Variants in MAGI2 observed in about 807,000 individuals in gnomAD.
MAGI2 encodes the protein membrane associated guanylate kinase, WW and PDZ domain containing 2.
Under a neutral mutation model 133.3 loss-of-function variants are expected in MAGI2, and 35 were observed. The observed-to-expected ratio is 0.26, with a 90% CI of 0.20 to 0.35. The LOEUF is 0.35. Ranked by LOEUF, MAGI2 falls within the 10% of genes least tolerant of loss-of-function variation. MAGI2 has a pLI of 1.00. For synonymous variants in MAGI2, 729 were observed against 710.6 expected (o/e 1.03, Z -0.41); for missense variants, 1,636 against 1,863.4 (o/e 0.88, Z 2.25).
At chr7:79,186,729 GTATATATATATTTATACAAAAGTATA>G (rs1220593218) in intron 1 of MAGI2, among the ~76,000 whole-genome samples, 5,017 of 121,666 alleles carry the variant, frequency 0.041, 120 homozygotes, top group Non-Finnish European at 0.061. Context: ...TTATACAAAA[GTATATATATATTTATACAAAAGTATA>G]TATATATATA....
chr7:79,451,861 G>T (rs1048650662), intron 1 of MAGI2, among the ~76,000 whole-genome samples: 2 of 152,114 alleles, frequency 1.3e-5, no homozygotes, highest in African/African-American at 4.8e-5. Flanking sequence ...CACACGAATT[G>T]TGCAGTGAGC....
chr7:78,940,418 C>T (rs1800873433), intron 2 of MAGI2: 1 of 152,016 alleles, frequency 6.6e-6, no homozygotes, highest in Non-Finnish European at 1.5e-5. Context: ...AGATGTCACA[C>T]TTTAGAGATT....
chr7:78,063,689 A>G (rs767490683), intron 21 of MAGI2, among the ~76,000 whole-genome samples: 6 of 151,634 alleles, frequency 4.0e-5, no homozygotes, highest in Non-Finnish European at 7.4e-5. Context: ...TCTTTTTTCC[A>G]CTCTGGTGAA....
chr7:78,716,868 A>G (rs921472846), intron 2 of MAGI2, among the ~76,000 whole-genome samples: 37 of 152,298 alleles, frequency 2.4e-4, no homozygotes, highest in Admixed American at 3.9e-4. Flanking sequence ...AATCTTATTT[A>G]CAGCTTAAAA....
intron 4 of MAGI2, among the ~76,000 whole-genome samples, chr7:78,510,393 C>T (rs139826970): frequency 0.018 from 2,813 of 152,202 alleles, 43 homozygotes; most frequent in Non-Finnish European, 0.023. Context: ...TAGTAAACTG[C>T]TAGAATATAG....
chr7:78,220,510 A>G (rs1584447652), intron 10 of MAGI2, among the ~76,000 whole-genome samples: 1 of 152,226 alleles, frequency 6.6e-6, no homozygotes, highest in African/African-American at 2.4e-5. Flanking sequence ...GTATGTAAAG[A>G]ATGCTTGCTA....
chr7:78,028,697 A>C (rs966640126), intron 21 of MAGI2, among the ~76,000 whole-genome samples: 4 of 152,042 alleles, frequency 2.6e-5, no homozygotes, highest in African/African-American at 9.7e-5. Context: ...TCTACTAAAA[A>C]TACAAAAATT....
At chr7:78,384,573 T>A (rs1795212909) in intron 6 of MAGI2, among the ~76,000 whole-genome samples, 1 of 152,176 alleles carries the variant, frequency 6.6e-6, no homozygotes, top group South Asian at 2.1e-4. Flanking sequence ...ATTTATCAAT[T>A]GAATGTTTTG....
Position 79,326,626 on chromosome 7 carries a change from A to T in MAGI2, c.301+126394T>A, listed in dbSNP as rs1362371935. Among the ~76,000 whole-genome samples the T allele has an allele frequency of 3.3e-5, 5 of 151,632 alleles. No homozygotes were observed. In the South Asian group the frequency reaches 6.3e-4, roughly 19 times the overall value. On this transcript the variant is annotated intron_variant, in intron 1 of 21. Coordinates refer to ENST00000354212, the MANE Select transcript of MAGI2 (RefSeq NM_012301.4). ...AAACCTCTTAGTAAAAATATTAGTC[A>T]TTCAGAGCAAATTGAGTTCAGTGTC...
chr7:78,231,307 C>CCT (rs1789944653), intron 10 of MAGI2, among the ~76,000 whole-genome samples: 1 of 152,150 alleles, frequency 6.6e-6, no homozygotes, highest in Non-Finnish European at 1.5e-5. Flanking sequence ...TCAGAGTATT[C>CCT]CTCCATGGAG....
intron 2 of MAGI2, among the ~76,000 whole-genome samples, chr7:78,879,345 A>G (rs1241802861): frequency 6.6e-6 from 1 of 152,166 alleles, no homozygotes; most frequent in Non-Finnish European, 1.5e-5. Context: ...ATCAACAAGA[A>G]TAAATTATAT....
At chr7:78,387,997 A>C (rs1795555542) in intron 6 of MAGI2, among the ~76,000 whole-genome samples, 1 of 151,980 alleles carries the variant, frequency 6.6e-6, no homozygotes, top group Non-Finnish European at 1.5e-5. Flanking sequence ...CTATTCTTAC[A>C]CCTGAGTTGT....
chr7:78,872,297 T>C (rs1457853708), intron 2 of MAGI2, among the ~76,000 whole-genome samples: 1 of 150,342 alleles, frequency 6.7e-6, no homozygotes, highest in Non-Finnish European at 1.5e-5. Context: ...TAAATAAAAA[T>C]ACAGCAATTT....
intron 3 of MAGI2, among the ~76,000 whole-genome samples, chr7:78,522,214 T>C (rs1195070211): frequency 6.6e-6 from 1 of 152,148 alleles, no homozygotes; most frequent in African/African-American, 2.4e-5. Context: ...ACTCTTCAGA[T>C]TACCACAGCT....
chr7:78,425,327 G>T (rs543417750), intron 6 of MAGI2, among the ~76,000 whole-genome samples: 3 of 152,246 alleles, frequency 2.0e-5, no homozygotes, highest in African/African-American at 7.2e-5. Context: ...CAGCCACGTG[G>T]AACTGTAAGT....
At chr7:78,190,902 A>G (rs1828143680) in intron 12 of MAGI2, among the ~76,000 whole-genome samples, 1 of 152,224 alleles carries the variant, frequency 6.6e-6, no homozygotes, top group South Asian at 2.1e-4. Flanking sequence ...GGCTTGTCCC[A>G]CTATGGAAAG....
At chr7:78,980,135 T>C (rs1172499083) in intron 2 of MAGI2, among the ~76,000 whole-genome samples, 2 of 151,402 alleles carry the variant, frequency 1.3e-5, no homozygotes, top group African/African-American at 4.8e-5. Context: ...AGCTGTATCA[T>C]CCCAGGCAGG....
chr7:78,565,331 G>A (rs1242861249), intron 3 of MAGI2, among the ~76,000 whole-genome samples: 1 of 151,924 alleles, frequency 6.6e-6, no homozygotes, highest in East Asian at 1.9e-4. Flanking sequence ...GGGGCATGGT[G>A]GCATGCTCCT....
At chr7:78,447,641 A>C (rs899826976) in intron 6 of MAGI2, among the ~76,000 whole-genome samples, 1 of 152,096 alleles carries the variant, frequency 6.6e-6, no homozygotes, top group African/African-American at 2.4e-5. Context: ...TGGGGACACA[A>C]ACAGAGCAAA....
Sources: gnomAD v4.1 joint callset for allele counts (sites outside exome capture counted in the v4.1 genomes callset) on GRCh38, gnomAD v4.1.1 for gene constraint, MANE v1.5 for transcripts, NCBI Gene and HGNC (gene_info 2026-07-23, HGNC 2026-07-21) for gene names.